The following EML5 variants were observed in gnomAD, a reference collection of about 807,000 sequenced individuals.
The protein encoded by EML5 is EMAP like 5.
EML5 carries 120 observed loss-of-function variants against 250.0 expected under a neutral mutation model. The observed-to-expected ratio is 0.48, with a 90% CI of 0.41 to 0.56. The LOEUF is 0.56. EML5 is among the 20% of genes least tolerant of loss of function. The pLI, the probability that EML5 is intolerant of heterozygous loss-of-function variation, is 0.00. For synonymous variants in EML5, 771 were observed against 806.5 expected, an observed-to-expected ratio of 0.96 and a Z score of 0.75; for missense variants, 2,006 against 2,437.6, an observed-to-expected ratio of 0.82 and a Z score of 3.73.
intron 21 of EML5, among the ~76,000 whole-genome samples, chr14:88,670,451 G>T (rs762786278): frequency 2.6e-5 from 4 of 151,592 alleles, no homozygotes; most frequent in Non-Finnish European, 4.4e-5. Context: ...AACTCACAAA[G>T]ATGAGACAGA....
intron 23 of EML5, among the ~76,000 whole-genome samples, chr14:88,663,329 T>G (rs940164081): frequency 1.3e-5 from 2 of 152,210 alleles, no homozygotes; most frequent in Admixed American, 1.3e-4. Flanking sequence ...TTTGTATATG[T>G]ATATACATAA....
chr14:88,772,994 A>C (rs1209375857), intron 1 of EML5, among the ~76,000 whole-genome samples: 1 of 152,178 alleles, frequency 6.6e-6, no homozygotes. Flanking sequence ...TAGTCATCCC[A>C]ACATATTCTG....
chr14:88,756,280 A>G (rs1334171877), intron 1 of EML5, among the ~76,000 whole-genome samples: 1 of 152,246 alleles, frequency 6.6e-6, no homozygotes, highest in African/African-American at 2.4e-5. Context: ...CTCAATAGAC[A>G]CAGAAAAATT....
At chr14:88,616,632 G>A (rs2087665941) in intron 42 of EML5, 94 bp downstream of exon 42, 2 of 1,275,960 alleles carry the variant, frequency 1.6e-6, no homozygotes, top group Non-Finnish European at 2.1e-6. Flanking sequence ...TTAGAAATTA[G>A]GACAAAACAT....
chr14:88,616,972 C>A, intron 41 of EML5, 93 bp from the exon 42 acceptor site: 2 of 1,184,992 alleles, frequency 1.7e-6, no homozygotes, highest in Non-Finnish European at 1.2e-6. Context: ...CTCTAAGTAC[C>A]CTATCATGTT....
At chr14:88,747,246 T>C (rs1381391627) in intron 2 of EML5, among the ~76,000 whole-genome samples, 1 of 152,094 alleles carries the variant, frequency 6.6e-6, no homozygotes, top group South Asian at 2.1e-4. Context: ...ACCCCGTCTC[T>C]ACTAAAATTA....
chr14:88,714,063 C>T (rs944329388), intron 9 of EML5, among the ~76,000 whole-genome samples: 3 of 151,768 alleles, frequency 2.0e-5, no homozygotes, highest in African/African-American at 7.3e-5. Context: ...GTCTCAAACT[C>T]CTGGGCTCAA....
At chr14:88,666,207 TAAG>T (rs1333471773) in intron 21 of EML5, among the ~76,000 whole-genome samples, 1 of 152,206 alleles carries the variant, frequency 6.6e-6, no homozygotes, top group Non-Finnish European at 1.5e-5. Flanking sequence ...AACAGAAATT[TAAG>T]AAATAAGTCA....
chr14:88,779,482 C>T (rs910336367), intron 1 of EML5, among the ~76,000 whole-genome samples: 3 of 152,054 alleles, frequency 2.0e-5, no homozygotes, highest in Non-Finnish European at 4.4e-5. Context: ...TTTACATCAT[C>T]CCCAAGAAAA....
intron 7 of EML5, among the ~76,000 whole-genome samples, chr14:88,729,870 G>GTTTTTTTTTTTT (rs71130010): frequency 9.9e-6 from 1 of 101,114 alleles, no homozygotes; most frequent in African/African-American, 3.3e-5. Flanking sequence ...CTTGTTTTTT[G>GTTTTTTTTTTTT]TTTTTTTTTT....
chr14:88,641,070 A>C (rs941565876), intron 31 of EML5, among the ~76,000 whole-genome samples: 2 of 152,146 alleles, frequency 1.3e-5, no homozygotes, highest in Non-Finnish European at 2.9e-5. Flanking sequence ...AATCAGGAAG[A>C]AACTGAAATC....
chr14:88,680,241 T>C (rs1365044779), intron 21 of EML5, among the ~76,000 whole-genome samples: 1 of 152,218 alleles, frequency 6.6e-6, no homozygotes, highest in Admixed American at 6.5e-5. Context: ...TTTAATTACA[T>C]GCAATTTTTT....
At chr14:88,783,675 T>G (rs1028138937) in intron 1 of EML5, among the ~76,000 whole-genome samples, 1 of 152,166 alleles carries the variant, frequency 6.6e-6, no homozygotes, top group African/African-American at 2.4e-5. Flanking sequence ...GCAAGTATTA[T>G]TAGAGCTAGA....
At chr14:88,719,014 C>T (rs1188504876) in intron 8 of EML5, among the ~76,000 whole-genome samples, 5 of 152,142 alleles carry the variant, frequency 3.3e-5, no homozygotes, top group African/African-American at 7.2e-5. Context: ...AAAACTGTCA[C>T]GATCCCTTTT....
chr14:88,654,169 T>C (rs1339190980), intron 27 of EML5, among the ~76,000 whole-genome samples: 1 of 152,180 alleles, frequency 6.6e-6, no homozygotes, highest in Non-Finnish European at 1.5e-5. Flanking sequence ...GATTTTTCTC[T>C]CTTTTCTTCT....
intron 23 of EML5, 76 bp from the exon 24 acceptor site, chr14:88,663,195 G>A (rs2092186417): frequency 1.0e-6 from 1 of 985,834 alleles, no homozygotes; most frequent in Non-Finnish European, 1.4e-6. Flanking sequence ...TGATGTTTAA[G>A]TTTTATGGGA....
chr14:88,630,023 A>ATTTTTTT (rs58382081), intron 33 of EML5, among the ~76,000 whole-genome samples: 9 of 84,232 alleles, frequency 1.1e-4, no homozygotes, highest in South Asian at 4.1e-4. Context: ...TAAAAACTGT[A>ATTTTTTT]TTTTTTTTTT....
chr14:88,679,395 C>T (rs1353996360), intron 21 of EML5, among the ~76,000 whole-genome samples: 1 of 151,868 alleles, frequency 6.6e-6, no homozygotes, highest in Non-Finnish European at 1.5e-5. Context: ...AGCTTGCTAT[C>T]AATAAAGGGG....
At chr14:88,788,710 C>A (rs2094575231) in intron 1 of EML5, among the ~76,000 whole-genome samples, 1 of 151,976 alleles carries the variant, frequency 6.6e-6, no homozygotes, top group African/African-American at 2.4e-5. Flanking sequence ...TCCTTAAGAA[C>A]AATCTTGCAA....
Sources: gnomAD v4.1 joint callset for allele counts (sites outside exome capture counted in the v4.1 genomes callset) on GRCh38, gnomAD v4.1.1 for gene constraint, MANE v1.5 for transcripts, NCBI Gene and HGNC (gene_info 2026-07-23, HGNC 2026-07-21) for gene names.